Variants in ACVR1 observed in about 807,000 individuals in gnomAD.
The protein encoded by ACVR1 is activin A receptor type 1.
ACVR1 carries 38 observed loss-of-function variants against 57.1 expected under a neutral mutation model. The observed-to-expected ratio is 0.67, with a 90% CI of 0.51 to 0.87. ACVR1 has a LOEUF of 0.87. Ranked by LOEUF, ACVR1 falls within the 40% of genes least tolerant of loss-of-function variation. ACVR1 has a pLI of 0.00. For missense variants in ACVR1, 463 were observed against 638.2 expected (o/e 0.73, Z 2.96); for synonymous variants, 212 against 228.1 (o/e 0.93, Z 0.63).
chr2:157,828,754 TTTTG>T (rs1688481647), intron 1 of ACVR1, among the ~76,000 whole-genome samples: 1 of 146,460 alleles, frequency 6.8e-6, no homozygotes, highest in Non-Finnish European at 1.5e-5. Context: ...GAGATTAGTT[TTTTG>T]TTTTTTTGTT....
intron 1 of ACVR1, among the ~76,000 whole-genome samples, chr2:157,819,136 T>C (rs1166705405): frequency 1.5e-5 from 2 of 130,684 alleles, no homozygotes; most frequent in Non-Finnish European, 3.2e-5. Flanking sequence ...CATTTCAAAA[T>C]CAAGTTCTTT....
chr2:157,816,297 A>T (rs929950768), intron 2 of ACVR1, among the ~76,000 whole-genome samples: 4 of 152,136 alleles, frequency 2.6e-5, no homozygotes, highest in Non-Finnish European at 1.5e-5. Context: ...GTATTATCTG[A>T]AATGAAATAA....
chr2:157,738,721 G>T, intron 9 of ACVR1, 151 bp from the exon 10 acceptor site: 1 of 1,154,124 alleles, frequency 8.7e-7, no homozygotes. Flanking sequence ...GCTAGAGGTA[G>T]GTCCTAAAAC....
At chr2:157,873,541 A>C (rs1056646503) in intron 1 of ACVR1, among the ~76,000 whole-genome samples, 2 of 152,238 alleles carry the variant, frequency 1.3e-5, no homozygotes, top group Non-Finnish European at 2.9e-5. Context: ...CCAAGAGCAG[A>C]ACAAGCCACA....
chr2:157,842,116 C>T (rs1689002119), intron 1 of ACVR1, among the ~76,000 whole-genome samples: 1 of 151,224 alleles, frequency 6.6e-6, no homozygotes. Flanking sequence ...TCTAGGGAAA[C>T]ATCCCTTGTT....
intron 9 of ACVR1, among the ~76,000 whole-genome samples, chr2:157,759,528 T>C (rs1352693984): frequency 6.6e-6 from 1 of 152,066 alleles, no homozygotes; most frequent in South Asian, 2.1e-4. Context: ...CAAACTTAAA[T>C]AGAACTTCTT....
intron 1 of ACVR1, among the ~76,000 whole-genome samples, chr2:157,834,671 A>T (rs943450181): frequency 2.6e-5 from 4 of 152,164 alleles, no homozygotes; most frequent in Admixed American, 6.5e-5. Flanking sequence ...ATATACATAT[A>T]TAAAAACATA....
At chr2:157,844,796 G>C (rs1399768434) in intron 1 of ACVR1, among the ~76,000 whole-genome samples, 1 of 152,042 alleles carries the variant, frequency 6.6e-6, no homozygotes, top group African/African-American at 2.4e-5. Flanking sequence ...TTAAGAGGGG[G>C]GGAGCCTTTG....
At chr2:157,792,796 G>A (rs931910207) in intron 3 of ACVR1, among the ~76,000 whole-genome samples, 17 of 152,318 alleles carry the variant, frequency 1.1e-4, no homozygotes, top group African/African-American at 4.1e-4. Context: ...CATTTCAGAT[G>A]TGTGTGGGCA....
At chr2:157,821,180 G>A (rs960590026) in intron 1 of ACVR1, among the ~76,000 whole-genome samples, 4 of 152,046 alleles carry the variant, frequency 2.6e-5, no homozygotes, top group Non-Finnish European at 1.5e-5. Context: ...ATCCCAAGAG[G>A]GACTGAAAAT....
chr2:157,808,008 C>T (rs1328866363), intron 2 of ACVR1, among the ~76,000 whole-genome samples: 5 of 151,952 alleles, frequency 3.3e-5, no homozygotes, highest in African/African-American at 7.3e-5. Flanking sequence ...ACCCTTTATA[C>T]ACTGGCCTAA....
At chr2:157,782,300 A>T (rs937528158) in intron 3 of ACVR1, among the ~76,000 whole-genome samples, 1 of 152,182 alleles carries the variant, frequency 6.6e-6, no homozygotes, top group African/African-American at 2.4e-5. Flanking sequence ...TTCCTTTGAA[A>T]ACCACAAGGG....
chr2:157,867,692 T>A (rs62675260), intron 1 of ACVR1, among the ~76,000 whole-genome samples: 3 of 138,390 alleles, frequency 2.2e-5, no homozygotes, highest in East Asian at 2.1e-4. Context: ...TTTTTTTTTT[T>A]AATGTTTTAA....
intron 1 of ACVR1, among the ~76,000 whole-genome samples, chr2:157,857,778 T>C (rs1486229650): frequency 6.6e-6 from 1 of 152,184 alleles, no homozygotes; most frequent in Non-Finnish European, 1.5e-5. Context: ...ATTGAGATTG[T>C]TGTGTCTAGA....
chr2:157,806,999 GTAGT>G (rs1378713345), intron 2 of ACVR1: 2 of 152,182 alleles, frequency 1.3e-5, no homozygotes. Flanking sequence ...CGTTTATCCT[GTAGT>G]TAGAGGAAAT....
At chr2:157,764,084 T>A (rs947385471) in intron 8 of ACVR1, among the ~76,000 whole-genome samples, 3 of 152,160 alleles carry the variant, frequency 2.0e-5, no homozygotes, top group African/African-American at 7.2e-5. Context: ...ACAACTTGAA[T>A]CCTTATTGTT....
intron 1 of ACVR1, among the ~76,000 whole-genome samples, chr2:157,870,110 T>G (rs1690069037): frequency 6.6e-6 from 1 of 152,200 alleles, no homozygotes; most frequent in South Asian, 2.1e-4. Flanking sequence ...ACCCATCCCT[T>G]CTATTCCAGA....
chr2:157,834,420 A>C (rs1182963477), intron 1 of ACVR1, among the ~76,000 whole-genome samples: 2 of 152,040 alleles, frequency 1.3e-5, no homozygotes, highest in East Asian at 3.9e-4. Flanking sequence ...GAGGCAAATA[A>C]ATGTGAATGC....
intron 9 of ACVR1, among the ~76,000 whole-genome samples, chr2:157,744,507 T>C (rs1005357304): frequency 1.3e-5 from 2 of 152,226 alleles, no homozygotes; most frequent in South Asian, 2.1e-4. Context: ...CCAGCAGTGA[T>C]AATAATTTCC....
Sources: allele counts gnomAD v4.1 joint callset (sites outside exome capture counted in the v4.1 genomes callset), GRCh38; gene constraint gnomAD v4.1.1; transcripts MANE v1.5; gene names NCBI Gene and HGNC (gene_info 2026-07-23, HGNC 2026-07-21).